Variants in CNTNAP2 observed in about 807,000 individuals in gnomAD.
The protein encoded by CNTNAP2 is contactin-associated protein-like 2.
Under a neutral mutation model 155.2 loss-of-function variants are expected in CNTNAP2, and 98 were observed. That is an observed-to-expected ratio of 0.63 (90% confidence interval 0.54 to 0.75). The LOEUF is 0.75. Among genes scored for constraint, CNTNAP2 ranks in the 30% least tolerant of loss-of-function variants. CNTNAP2 has a pLI of 0.00. For missense variants in CNTNAP2, 1,727 were observed against 1,688.1 expected (o/e 1.02, Z -0.40); for synonymous variants, 651 against 631.2 (o/e 1.03, Z -0.47).
In CNTNAP2 at chr7:146,290,657, C is replaced by T. The variant is rs143994602; in HGVS notation, c.97+173684C>T. 3.3e-3 allele frequency among the ~76,000 whole-genome samples: 506 copies of T among 152,166 alleles called. 2 individuals are homozygous for T. Among genetic ancestry groups the T allele is most frequent in the African/African-American group, 0.012 (488 of 41,516 alleles). On this transcript the variant is annotated intron_variant, in intron 1 of 23. Transcript: ENST00000361727. The stretch of plus-strand genomic sequence containing the variant: ...TTGAAGTCAGTTCTACTGTAAAGAG[C>T]GTGTATTTGGGAATCAGAAAAAACT...
At chr7:146,712,007 CT>C (rs1197941579) in intron 1 of CNTNAP2, among the ~76,000 whole-genome samples, 1 of 39,038 alleles carries the variant, frequency 2.6e-5, no homozygotes, top group African/African-American at 1.7e-4. Context: ...CTTATGTATA[CT>C]ATATAGTATA....
chr7:147,862,491 G>A lies in CNTNAP2; in HGVS notation c.2099-41074G>A, dbSNP rs541612448. ...TAATGTACTTCTTTATTGCATCTGT[G>A]TGACTAAAGAGGGCAGTCGGGAGAA... On this transcript the variant is annotated intron_variant, in intron 13 of 23. Transcript: ENST00000361727. Among the ~76,000 whole-genome samples the A allele has an allele frequency of 6.6e-4, 101 of 152,218 alleles. 1 individual carries two copies. Among genetic ancestry groups the A allele is most frequent in the Non-Finnish European group, 1.3e-3 (89 of 68,026 alleles).
chr7:148,030,105 T>C (rs574397375), intron 15 of CNTNAP2, among the ~76,000 whole-genome samples: 1 of 152,326 alleles, frequency 6.6e-6, no homozygotes, highest in South Asian at 2.1e-4. Context: ...AGTCTAGTTG[T>C]TGTATCTGTC....
intron 3 of CNTNAP2, among the ~76,000 whole-genome samples, chr7:147,013,084 G>A (rs73465267): frequency 0.011 from 1,702 of 152,196 alleles, 38 homozygotes; most frequent in African/African-American, 0.039. Context: ...ATAATTCAAT[G>A]TGTTTTCTTG....
chr7:146,415,485 T>C (rs923651295), intron 1 of CNTNAP2, among the ~76,000 whole-genome samples: 1 of 152,206 alleles, frequency 6.6e-6, no homozygotes, highest in African/African-American at 2.4e-5. Context: ...AAAATGACAC[T>C]GTATTGGCTT....
rs146533115 is a variant in CNTNAP2, at chr7:148,334,881, T to G, written c.3476-48768T>G. On this transcript the variant is annotated intron_variant, in intron 21 of 23. Transcript: ENST00000361727. ...AAGACACAGCCAGGGGAAACCTACT[T>G]TCATGATATCAAGACTCTAATTTTA... Among the ~76,000 whole-genome samples the G allele has an allele frequency of 3.4e-3, 517 of 152,268 alleles. 1 individual carries two copies. Among genetic ancestry groups the G allele is most frequent in the African/African-American group, 0.011 (467 of 41,548 alleles).
At chr7:146,995,645 C>T (rs1406471556) in intron 3 of CNTNAP2, among the ~76,000 whole-genome samples, 1 of 151,848 alleles carries the variant, frequency 6.6e-6, no homozygotes, top group African/African-American at 2.4e-5. Flanking sequence ...GTGTTAATGT[C>T]TTTGCCCATT....
chr7:146,178,474 C>A (rs1183997548), intron 1 of CNTNAP2, among the ~76,000 whole-genome samples: 1 of 152,096 alleles, frequency 6.6e-6, no homozygotes, highest in African/African-American at 2.4e-5. Context: ...TTGCTATTTT[C>A]TCATTTAGAT....
chr7:147,451,765 CAAAAAAA>C (rs113417672), intron 10 of CNTNAP2, among the ~76,000 whole-genome samples: 1 of 108,332 alleles, frequency 9.2e-6, no homozygotes, highest in Non-Finnish European at 2.0e-5. Context: ...TTGTTTCTTC[CAAAAAAA>C]AAAAAAAAAC....
intron 10 of CNTNAP2, among the ~76,000 whole-genome samples, chr7:147,458,973 ATT>A (rs35029412): frequency 0.18 from 27,637 of 151,452 alleles, 2,739 homozygotes; most frequent in East Asian, 0.36. Flanking sequence ...AAGGAAATTG[ATT>A]TTTTTTTTAC....
At chr7:146,581,986 A>G (rs1235258109) in intron 1 of CNTNAP2, among the ~76,000 whole-genome samples, 1 of 152,180 alleles carries the variant, frequency 6.6e-6, no homozygotes, top group Non-Finnish European at 1.5e-5. Flanking sequence ...GCTGTAATAC[A>G]ATAATGACTA....
chr7:147,032,359 G>A (rs1270645668), intron 3 of CNTNAP2, among the ~76,000 whole-genome samples: 1 of 152,090 alleles, frequency 6.6e-6, no homozygotes, highest in Non-Finnish European at 1.5e-5. Flanking sequence ...CCAGTCTCTT[G>A]GACACTAAGG....
chr7:147,328,452 G>T (rs141835995), intron 9 of CNTNAP2, among the ~76,000 whole-genome samples: 17 of 152,316 alleles, frequency 1.1e-4, no homozygotes, highest in African/African-American at 4.1e-4. Flanking sequence ...CACTACTGTA[G>T]TCACAATGGA....
chr7:146,477,220 G>A (rs868732925), intron 1 of CNTNAP2, among the ~76,000 whole-genome samples: 5 of 152,104 alleles, frequency 3.3e-5, no homozygotes, highest in Admixed American at 1.3e-4. Flanking sequence ...TTGAGGAAAC[G>A]AATTTATCAC....
intron 8 of CNTNAP2, among the ~76,000 whole-genome samples, chr7:147,168,804 A>G (rs1358279704): frequency 6.6e-6 from 1 of 152,116 alleles, no homozygotes; most frequent in Non-Finnish European, 1.5e-5. Context: ...AACAAATAAT[A>G]AGCTAGAAGT....
At chr7:147,211,941 T>C (rs1803155928) in intron 8 of CNTNAP2, among the ~76,000 whole-genome samples, 1 of 152,006 alleles carries the variant, frequency 6.6e-6, no homozygotes, top group Admixed American at 6.6e-5. Flanking sequence ...ACAAAAGACA[T>C]GAACAGATGC....
intron 13 of CNTNAP2, among the ~76,000 whole-genome samples, chr7:147,751,438 T>C (rs1420138017): frequency 1.3e-5 from 2 of 149,536 alleles, no homozygotes; most frequent in East Asian, 4.0e-4. Flanking sequence ...TTATAGAGAA[T>C]TTATGATCTG....
intron 17 of CNTNAP2, among the ~76,000 whole-genome samples, chr7:148,160,309 G>A (rs1195951635): frequency 6.6e-6 from 1 of 151,878 alleles, no homozygotes; most frequent in Non-Finnish European, 1.5e-5. Context: ...CTACCCTGGA[G>A]CTGAGGCAGA....
At chr7:147,495,978 T>C (rs1798700687) in intron 11 of CNTNAP2, among the ~76,000 whole-genome samples, 1 of 152,164 alleles carries the variant, frequency 6.6e-6, no homozygotes, top group African/African-American at 2.4e-5. Flanking sequence ...CGAATGCTAT[T>C]GTGAACTGTG....
Sources: allele counts gnomAD v4.1 joint callset (sites outside exome capture counted in the v4.1 genomes callset), GRCh38; gene constraint gnomAD v4.1.1; transcripts MANE v1.5; gene names NCBI Gene and HGNC (gene_info 2026-07-23, HGNC 2026-07-21).